LIN52: variants seen among roughly 807,000 people sequenced by gnomAD.
LIN52 encodes the protein lin-52 DREAM MuvB core complex component, also known as protein lin-52 homolog.
Under a neutral mutation model 18.5 loss-of-function variants are expected in LIN52, and 4 were observed. The observed-to-expected ratio is 0.22, with a 90% confidence interval of 0.11 to 0.49. The LOEUF is 0.49. Among genes scored for constraint, LIN52 ranks in the 20% least tolerant of loss-of-function variants. The probability of loss-of-function intolerance (pLI) is 0.97; values close to 1 mark genes in which losing one functional copy is unlikely to be tolerated. For synonymous variants in LIN52, 34 were observed against 45.5 expected, an observed-to-expected ratio of 0.75 and a Z score of 1.02; for missense variants, 102 against 139.5, an observed-to-expected ratio of 0.73 and a Z score of 1.35.
At chr14:74,133,014 TA>T (rs549007863) in intron 5 of LIN52, among the ~76,000 whole-genome samples, 24 of 145,850 alleles carry the variant, frequency 1.6e-4, no homozygotes, top group African/African-American at 3.0e-4. Context: ...TCCATATCTT[TA>T]AAAAAAAAAA....
Position 74,200,641 on chromosome 14 carries a change from T to G in LIN52, c.*1664T>G, listed in dbSNP as rs1199308617. 1 of 152,156 alleles carries G rather than the reference T, an allele frequency of 6.6e-6. No homozygotes were observed. The highest frequency in any genetic ancestry group is 6.5e-5 in the Admixed American group (1 of 15,280). 9.4% of individuals were successfully genotyped at this position (152,156 alleles called of 1,614,324 possible). ...CATTTGACCATCAATGTAGTTTTAC[T>G]TATTGAAAGGAAAAAAGACTTAACA... On this transcript the variant is annotated 3_prime_UTR_variant, in exon 6 of 6. Coordinates refer to ENST00000555028, the MANE Select transcript of LIN52 (RefSeq NM_001024674.3).
Position 74,090,045 on chromosome 14 carries a change from G to A in LIN52, c.20-1187G>A, listed in dbSNP as rs924148161. Among the ~76,000 whole-genome samples the A allele has an allele frequency of 5.5e-5, 8 of 146,006 alleles. No individual in the cohort carries two copies. In the East Asian group the frequency reaches 1.4e-3, roughly 26 times the overall value. ...TTTTTTTTTTTTTTTTTGAGATGGA[G>A]TCTTGCTTTGTTGCCCAGGCTGGAG... is the stretch of plus-strand genomic sequence containing the variant. On this transcript the variant is annotated intron_variant, in intron 1 of 5. Coordinates refer to ENST00000555028, the MANE Select transcript of LIN52 (RefSeq NM_001024674.3).
chr14:74,135,819 GT>G (rs11305985), intron 5 of LIN52, among the ~76,000 whole-genome samples: 74,904 of 148,456 alleles, frequency 0.5, 19,154 homozygotes, highest in East Asian at 0.89. Flanking sequence ...AGAACAGGGA[GT>G]TTTTTTTTTT....
chr14:74,168,695 T>A (rs1393594539), intron 5 of LIN52, among the ~76,000 whole-genome samples: 1 of 151,692 alleles, frequency 6.6e-6, no homozygotes, highest in Admixed American at 6.6e-5. Flanking sequence ...ATTAACCAGC[T>A]TTTCAAACAG....
chr14:74,197,120 C>G (rs1275668189), intron 5 of LIN52, among the ~76,000 whole-genome samples: 1 of 152,178 alleles, frequency 6.6e-6, no homozygotes, highest in Non-Finnish European at 1.5e-5. Flanking sequence ...AGACTCCCAT[C>G]ATGTAGAGAA....
chr14:74,148,711 T>C (rs1595175207), intron 5 of LIN52, among the ~76,000 whole-genome samples: 1 of 152,226 alleles, frequency 6.6e-6, no homozygotes, highest in East Asian at 1.9e-4. Context: ...TCATTTCCCT[T>C]GTTAGTATCC....
intron 5 of LIN52, among the ~76,000 whole-genome samples, chr14:74,188,594 G>A (rs2061350214): frequency 6.6e-6 from 1 of 151,280 alleles, no homozygotes; most frequent in African/African-American, 2.4e-5. Context: ...ATATGGTAAT[G>A]ATATCACCGT....
At chr14:74,192,004 C>A (rs1334223866) in intron 5 of LIN52, among the ~76,000 whole-genome samples, 1 of 152,192 alleles carries the variant, frequency 6.6e-6, no homozygotes, top group Non-Finnish European at 1.5e-5. Flanking sequence ...AAGGTAGCTC[C>A]ACCTAGTACC....
intron 5 of LIN52, among the ~76,000 whole-genome samples, chr14:74,172,037 C>G (rs2061274022): frequency 1.3e-5 from 2 of 152,122 alleles, no homozygotes; most frequent in African/African-American, 4.8e-5. Context: ...GCTCTCGGCC[C>G]ATTTTAATTC....
chr14:74,095,721 G>C (rs1566844676), intron 2 of LIN52, among the ~76,000 whole-genome samples: 1 of 152,106 alleles, frequency 6.6e-6, no homozygotes, highest in Non-Finnish European at 1.5e-5. Flanking sequence ...TATTTTCCTT[G>C]AGAAGCTTTT....
At chr14:74,183,099 CTCTCT>C (rs1295024633) in intron 5 of LIN52, among the ~76,000 whole-genome samples, 1 of 89,252 alleles carries the variant, frequency 1.1e-5, no homozygotes, top group Non-Finnish European at 2.8e-5. Context: ...CTCTCTCTCT[CTCTCT>C]TTTTTTTTTT....
chr14:74,193,324 G>T (rs2078891497), intron 5 of LIN52, among the ~76,000 whole-genome samples: 1 of 151,992 alleles, frequency 6.6e-6, no homozygotes, highest in South Asian at 2.1e-4. Context: ...TGAGGCAGGA[G>T]GATCACTTGA....
chr14:74,098,851 ACT>A (rs1008282929), intron 4 of LIN52, among the ~76,000 whole-genome samples: 3 of 152,184 alleles, frequency 2.0e-5, no homozygotes, highest in African/African-American at 7.2e-5. Context: ...CCCCGCGTAA[ACT>A]CTGCTTTTTT....
In LIN52 at chr14:74,097,966, T is replaced by C. The variant is rs2060826645; in HGVS notation, c.199+106T>C. ...CTTACAAGTATTTTTGGCTTCAGAC[T>C]TCTCATTTAAACCTCCTTATTTGTA... On this transcript the variant is annotated intron_variant, in intron 4 of 5. Transcript: ENST00000555028. 1.9e-5 allele frequency: 15 copies of C among 786,126 alleles called. No homozygotes were observed. The South Asian group carries it at 2.2e-4, about 11-fold the overall frequency. The allele number at this position is 786,126 out of a possible 1,614,324, so 48.7% of individuals were successfully genotyped here.
chr14:74,198,738 G>A (rs2078929686), intron 5 of LIN52, among the ~76,000 whole-genome samples, 184 bp from the exon 6 acceptor site: 1 of 152,204 alleles, frequency 6.6e-6, no homozygotes, highest in Non-Finnish European at 1.5e-5. Flanking sequence ...GCTTTGTACA[G>A]TTTTAGTTGT....
intron 5 of LIN52, among the ~76,000 whole-genome samples, chr14:74,193,934 G>T (rs567320438): frequency 6.6e-6 from 1 of 152,180 alleles, no homozygotes; most frequent in Non-Finnish European, 1.5e-5. Flanking sequence ...TAATTATGTT[G>T]AGGCATAGAA....
rs546222992 is a variant in LIN52 at position 74,095,381 on chromosome 14, C to T, written c.95-567C>T. 1.8e-4 allele frequency among the ~76,000 whole-genome samples: 28 copies of T among 151,926 alleles called. No individual in the cohort carries two copies. The South Asian group carries it at 2.5e-3, about 14-fold the overall frequency. On this transcript the variant is annotated intron_variant, in intron 2 of 5. Coordinates refer to ENST00000555028, the MANE Select transcript of LIN52 (RefSeq NM_001024674.3). The stretch of plus-strand genomic sequence containing the variant: ...AACTCCTGAGCTCGAGTGATTCACC[C>T]GCTTCAGCCTCCCAAAGTGCTGGGA...
In LIN52 at chr14:74,137,561, C is replaced by T. The variant is rs935609253; in HGVS notation, c.283+36323C>T. Among the ~76,000 whole-genome samples, 8 of 141,156 alleles carry T rather than the reference C, an allele frequency of 5.7e-5. No individual in the cohort carries two copies. In the South Asian group the frequency reaches 6.8e-4, roughly 12 times the overall value. 92.6% of individuals were successfully genotyped at this position (141,156 alleles called of 152,430 possible). On this transcript the variant is annotated intron_variant, in intron 5 of 5. Coordinates refer to ENST00000555028, the MANE Select transcript of LIN52 (RefSeq NM_001024674.3). ...TTGCCCAGGCTGGAGTGCAGTGGCG[C>T]GATCTCAGCTCACCACAACCTCTCC...
intron 5 of LIN52, among the ~76,000 whole-genome samples, chr14:74,175,717 C>CACAT (rs2061290271): frequency 8.7e-6 from 1 of 114,872 alleles, no homozygotes; most frequent in South Asian, 2.5e-4. Context: ...CACATACACA[C>CACAT]ACACACACAC....
Sources: gnomAD v4.1 joint callset for allele counts (sites outside exome capture counted in the v4.1 genomes callset) on GRCh38, gnomAD v4.1.1 for gene constraint, MANE v1.5 for transcripts, NCBI Gene and HGNC (gene_info 2026-07-23, HGNC 2026-07-21) for gene names.